Variants in GZMK observed in about 807,000 individuals in gnomAD.
GZMK encodes granzyme K.
Under a neutral mutation model 22.8 loss-of-function variants are expected in GZMK, and 18 were observed. That is an observed-to-expected ratio of 0.79 (90% CI 0.54 to 1.17). The LOEUF (loss-of-function observed/expected upper bound fraction) is 1.17. Ranked by LOEUF, GZMK falls within the 50% of genes most tolerant of loss-of-function variation. The pLI is 0.00. For missense variants in GZMK, 342 were observed against 320.2 expected, an observed-to-expected ratio of 1.07 and a Z score of -0.52; for synonymous variants, 136 against 115.0, an observed-to-expected ratio of 1.18 and a Z score of -1.17.
chr5:55,028,510 C>T (rs748900819), intron 2 of GZMK: 2 of 151,350 alleles, frequency 1.3e-5, no homozygotes, highest in African/African-American at 2.4e-5. Flanking sequence ...CAGGCAGTCA[C>T]AGCTCTGCCA....
At chr5:55,032,303 T>C (rs1219996089) in intron 4 of GZMK, among the ~76,000 whole-genome samples, 1 of 152,186 alleles carries the variant, frequency 6.6e-6, no homozygotes, top group Non-Finnish European at 1.5e-5. Flanking sequence ...ACTAATCTCA[T>C]TCATGAAGCC....
At chr5:55,024,962 C>A in intron 2 of GZMK, 155 bp downstream of exon 2, 3 of 500,120 alleles carry the variant, frequency 6.0e-6, no homozygotes, top group Non-Finnish European at 1.0e-5. Context: ...TCCACATCCA[C>A]GCTTTCTGTC....
At chr5:55,033,517 C>A (rs1741266667) in intron 4 of GZMK, among the ~76,000 whole-genome samples, 1 of 152,070 alleles carries the variant, frequency 6.6e-6, no homozygotes, top group Non-Finnish European at 1.5e-5. Flanking sequence ...GAGACAGAGG[C>A]AGAGGCATAG....
In GZMK at chr5:55,030,431, T is replaced by A. The variant is rs1415398729; in HGVS notation, c.213-3T>A. 2 of 1,611,680 alleles carry A rather than the reference T, an allele frequency of 1.2e-6. No individual in the cohort carries two copies. The highest frequency in any genetic ancestry group is 2.7e-5 in the African/African-American group (2 of 74,670). ...CTGCTTTCATTGTCTTTGCTTTTTT[T>A]AGGTTTACCAAAGGCCAGTCTCCCA... is the stretch of plus-strand genomic sequence containing the variant. On this transcript the variant is annotated splice_polypyrimidine_tract_variant and splice_region_variant and intron_variant, in intron 2 of 4. Coordinates refer to ENST00000231009, the MANE Select transcript of GZMK (RefSeq NM_002104.3).
intron 2 of GZMK, among the ~76,000 whole-genome samples, chr5:55,026,547 T>C (rs1368395641): frequency 1.3e-5 from 2 of 152,086 alleles, no homozygotes; most frequent in African/African-American, 4.8e-5. Flanking sequence ...AGATCGGTGG[T>C]TGGAAAAATA....
chr5:55,027,909 A>G (rs1364336887), intron 2 of GZMK, among the ~76,000 whole-genome samples: 1 of 152,242 alleles, frequency 6.6e-6, no homozygotes, highest in Non-Finnish European at 1.5e-5. Flanking sequence ...GTGTGAATTC[A>G]GACTTCAGTT....
At chr5:55,030,716 T>C (rs1206458936) in intron 3 of GZMK, 132 bp downstream of exon 3, 1 of 698,620 alleles carries the variant, frequency 1.4e-6, no homozygotes, top group African/African-American at 1.8e-5. Flanking sequence ...ATATATTTTA[T>C]AAGGGCCCAT....
chr5:55,031,343 C>T, intron 3 of GZMK, 21 bp from the exon 4 acceptor site: 1 of 1,603,360 alleles, frequency 6.2e-7, no homozygotes, highest in Non-Finnish European at 8.5e-7. Context: ...GAAATAATTC[C>T]ATCTTTTTTC....
At chr5:55,033,369 T>C (rs1312196557) in intron 4 of GZMK, among the ~76,000 whole-genome samples, 2 of 152,232 alleles carry the variant, frequency 1.3e-5, no homozygotes, top group Admixed American at 1.3e-4. Flanking sequence ...AAATGAAATC[T>C]ACAATTTTAA....
chr5:55,033,699 G>C (rs1741270094), intron 4 of GZMK, 66 bp from the exon 5 acceptor site: 1 of 1,201,714 alleles, frequency 8.3e-7, no homozygotes, highest in African/African-American at 1.5e-5. Context: ...TCAGCAGTTG[G>C]TGGTTAAAAA....
At position 55,032,911 on chromosome 5, in the gene GZMK, G is replaced by A. The variant is rs1410739308; in HGVS notation, c.634-854G>A. On this transcript the variant is annotated intron_variant, in intron 4 of 4. Coordinates refer to ENST00000231009, the MANE Select transcript of GZMK (RefSeq NM_002104.3). ...ATCTCATACTATATTAAGTATAATTGGGGGAGAGGATATGATGACTTCAAA... is the reference window on the plus strand; with the variant it reads ...ATCTCATACTATATTAAGTATAATTAGGGGAGAGGATATGATGACTTCAAA... Among the ~76,000 whole-genome samples the A allele has an allele frequency of 3.3e-5, 5 of 152,128 alleles. No individual in the cohort carries two copies. The East Asian group carries it at 7.7e-4, about 23-fold the overall frequency.
chr5:55,033,355 A>ATTT (rs1741263583), intron 4 of GZMK, among the ~76,000 whole-genome samples: 1 of 152,276 alleles, frequency 6.6e-6, no homozygotes, highest in Non-Finnish European at 1.5e-5. Flanking sequence ...GTCTGTGAGC[A>ATTT]TCAAAATGAA....
chr5:55,025,778 T>A (rs1045474438), intron 2 of GZMK: 1 of 152,220 alleles, frequency 6.6e-6, no homozygotes, highest in Admixed American at 6.5e-5. Flanking sequence ...AACAGAACAA[T>A]TGAATTGATT....
At chr5:55,029,319 C>A (rs562688890) in intron 2 of GZMK, among the ~76,000 whole-genome samples, 3 of 152,116 alleles carry the variant, frequency 2.0e-5, no homozygotes. Flanking sequence ...TAAATCTCCC[C>A]GATGGAATGG....
At position 55,031,381 on chromosome 5, in the gene GZMK, A is replaced by G; in HGVS notation, c.381A>G (p.Lys127=). 6.2e-7 allele frequency: 1 copy of G among 1,613,326 alleles called. No individual in the cohort carries two copies. The highest frequency in any genetic ancestry group is 1.1e-5 in the South Asian group (1 of 91,028). Residue 127 remains lysine, a synonymous_variant, in exon 4 of 5, where the codon AAA becomes AAG. Coordinates refer to ENST00000231009, the MANE Select transcript of GZMK (RefSeq NM_002104.3). Reference sequence around the variant, plus strand: ...TCTGTCAGCTTCAAACAGCCGCAAAACTCAATAAACATGTCAAGATGCTCC... The same window carrying G: ...TCTGTCAGCTTCAAACAGCCGCAAAGCTCAATAAACATGTCAAGATGCTCC... ...IMLVKLQTAA[K]LNKHVKMLHI... is the part of the protein sequence containing the mutation.
At chr5:55,029,542 T>G (rs112637387) in intron 2 of GZMK, among the ~76,000 whole-genome samples, 5 of 150,388 alleles carry the variant, frequency 3.3e-5, no homozygotes, top group Admixed American at 6.6e-5. Flanking sequence ...TCTTTGTGGT[T>G]TTTGTTTGTT....
At position 55,033,817 on chromosome 5, in the gene GZMK, C is replaced by T. The variant is rs1561259569; in HGVS notation, c.686C>T (p.Ser229Phe). The T allele has an allele frequency of 1.2e-6, 2 of 1,613,976 alleles. No individual in the cohort carries two copies. Among genetic ancestry groups the T allele is most frequent in the Non-Finnish European group, 1.7e-6 (2 of 1,179,884 alleles). Residue 229 changes from serine to phenylalanine, a missense_variant, in exon 5 of 5, where the codon TCT becomes TTT. Coordinates refer to ENST00000231009, the MANE Select transcript of GZMK (RefSeq NM_002104.3). The part of the protein sequence containing the change: ...ICKGVFHAIV[S>F]GGHECGVATK... ...AAAGGTGTCTTCCACGCTATAGTCTCTGGAGGTCATGAATGTGGTGTTGCC... is the reference window on the plus strand; with the variant it reads ...AAAGGTGTCTTCCACGCTATAGTCTTTGGAGGTCATGAATGTGGTGTTGCC...
intron 2 of GZMK, among the ~76,000 whole-genome samples, chr5:55,026,096 C>A (rs772083765): frequency 2.0e-4 from 30 of 152,200 alleles, no homozygotes; most frequent in Non-Finnish European, 3.1e-4. Flanking sequence ...TTCAAATATG[C>A]TCATAATACA....
At chr5:55,024,592 C>T in intron 1 of GZMK, 68 bp from the exon 2 acceptor site, 1 of 1,119,630 alleles carries the variant, frequency 8.9e-7, no homozygotes, top group Non-Finnish European at 1.3e-6. Flanking sequence ...TAGTGACTGT[C>T]ATTGGAAGAA....
Sources: allele counts gnomAD v4.1 joint callset (sites outside exome capture counted in the v4.1 genomes callset), GRCh38; gene constraint gnomAD v4.1.1; transcripts MANE v1.5; gene names NCBI Gene and HGNC (gene_info 2026-07-23, HGNC 2026-07-21).